Variants in CDC42BPA observed in about 807,000 individuals in gnomAD.
CDC42BPA encodes the protein CDC42 binding protein kinase alpha, also known as serine/threonine-protein kinase MRCK alpha.
A neutral mutation model predicts 223.5 loss-of-function variants in CDC42BPA; 80 were observed. That is an observed-to-expected ratio of 0.36 (90% confidence interval 0.30 to 0.43). The LOEUF is 0.43. CDC42BPA is among the 20% of genes least tolerant of loss of function. The pLI, the probability that CDC42BPA is intolerant of heterozygous loss-of-function variation, is 1.00. For missense variants in CDC42BPA, 1,743 were observed against 2,099.9 expected, an observed-to-expected ratio of 0.83 and a Z score of 3.32; for synonymous variants, 694 against 718.6, an observed-to-expected ratio of 0.97 and a Z score of 0.55.
intron 2 of CDC42BPA, among the ~76,000 whole-genome samples, chr1:227,231,231 C>A (rs562273802): frequency 1.5e-5 from 2 of 137,044 alleles, no homozygotes; most frequent in African/African-American, 5.4e-5. Context: ...TGAGAATATG[C>A]GGTGTTGTTT....
chr1:227,047,800 ATTTAT>A (rs1447256390), intron 23 of CDC42BPA, 122 bp downstream of exon 23: 3 of 585,878 alleles, frequency 5.1e-6, no homozygotes, highest in Admixed American at 3.1e-5. Flanking sequence ...TTCACACATA[ATTTAT>A]TTTATAAGTT....
At chr1:227,197,928 T>C (rs1244897077) in intron 4 of CDC42BPA, among the ~76,000 whole-genome samples, 1 of 152,146 alleles carries the variant, frequency 6.6e-6, no homozygotes, top group Admixed American at 6.6e-5. Flanking sequence ...TTAAGTATAA[T>C]AAATCCAGTT....
chr1:227,199,586 G>T lies in CDC42BPA; in HGVS notation c.421C>A (p.His141Asn). 6.3e-7 allele frequency: 1 copy of T among 1,598,838 alleles called. No homozygotes were observed. The highest frequency in any genetic ancestry group is 8.6e-7 in the Non-Finnish European group (1 of 1,167,868). The change falls in exon 4 of 37, where the codon CAC becomes AAC. Residue 141 changes from histidine to asparagine, a missense_variant. His to Asn is a moderately conservative substitution (Grantham distance 68). Around this residue, in one of 6 missense-constraint regions of CDC42BPA, gnomAD observed 321 missense variants for 488.7 expected, o/e 0.66. Transcript: ENST00000366766. ...TTATTGTCATCCTGGAAAGCATAGTGCAAGGTTGTAATCCATTTATTGTCT... is the reference window on the plus strand; with the variant it reads ...TTATTGTCATCCTGGAAAGCATAGTTCAAGGTTGTAATCCATTTATTGTCT... The part of the protein sequence containing the change: ...NGDNKWITTL[H>N]YAFQDDNNLY...
At chr1:227,216,081 A>T (rs996443916) in intron 2 of CDC42BPA, among the ~76,000 whole-genome samples, 1 of 152,162 alleles carries the variant, frequency 6.6e-6, no homozygotes, top group Non-Finnish European at 1.5e-5. Flanking sequence ...TTAAACAAAT[A>T]AGTTTATTAA....
At chr1:227,010,050 A>C (rs1664867433) in intron 34 of CDC42BPA, among the ~76,000 whole-genome samples, 1 of 152,190 alleles carries the variant, frequency 6.6e-6, no homozygotes, top group Non-Finnish European at 1.5e-5. Context: ...TATTACCTGC[A>C]AAACTAACTT....
chr1:227,284,959 T>G (rs1340227207), intron 1 of CDC42BPA, among the ~76,000 whole-genome samples: 1 of 123,404 alleles, frequency 8.1e-6, no homozygotes. Context: ...TGAGACCCCA[T>G]CTCACAAAAA....
chr1:227,001,123 T>C (rs1400349570), intron 35 of CDC42BPA, among the ~76,000 whole-genome samples: 1 of 152,222 alleles, frequency 6.6e-6, no homozygotes, highest in Non-Finnish European at 1.5e-5. Flanking sequence ...AATCTGACTT[T>C]GCATCATGAA....
chr1:227,080,917 G>A lies in CDC42BPA; in HGVS notation c.2456C>T (p.Ala819Val). Residue 819 changes from alanine to valine, a missense_variant, in exon 17 of 37, where the codon GCC becomes GTC. This residue lies in a region of CDC42BPA where 464 missense variants were observed against 488.0 expected (regional missense o/e 0.95). Coordinates refer to ENST00000366766, the MANE Select transcript of CDC42BPA (RefSeq NM_001394014.1). ...DKKESVAHWE[A>V]QITEIIQWVS... ...CCACTGAATTATTTCTGTGATTTGG[G>A]CTTCCCAATGTGCAACTGATTCTTT... 2 of 1,613,686 alleles carry A rather than the reference G, an allele frequency of 1.2e-6. No individual in the cohort carries two copies. Among genetic ancestry groups the A allele is most frequent in the Non-Finnish European group, 1.7e-6 (2 of 1,179,856 alleles).
At chr1:227,201,755 G>A (rs966381954) in intron 3 of CDC42BPA, among the ~76,000 whole-genome samples, 3 of 142,734 alleles carry the variant, frequency 2.1e-5, no homozygotes, top group African/African-American at 7.9e-5. Context: ...ATACAAATGA[G>A]ATTATAGTGC....
chr1:227,177,331 C>A (rs1404558839), intron 5 of CDC42BPA, among the ~76,000 whole-genome samples: 2 of 152,082 alleles, frequency 1.3e-5, no homozygotes, highest in Admixed American at 6.5e-5. Flanking sequence ...ATGTCTCCCC[C>A]TCACCCCCAC....
intron 6 of CDC42BPA, among the ~76,000 whole-genome samples, chr1:227,153,167 C>CA (rs934907825): frequency 2.0e-5 from 3 of 150,586 alleles, no homozygotes; most frequent in Non-Finnish European, 3.0e-5. Context: ...GTTAAGAACA[C>CA]AAAAAAACTG....
At chr1:227,030,331 G>T in intron 29 of CDC42BPA, 77 bp downstream of exon 29, 1 of 855,282 alleles carries the variant, frequency 1.2e-6, no homozygotes, top group Non-Finnish European at 1.9e-6. Context: ...CCTGCTCTTT[G>T]TAGAATTTAG....
intron 21 of CDC42BPA, among the ~76,000 whole-genome samples, chr1:227,066,298 G>A (rs555604389): frequency 1.3e-5 from 2 of 152,112 alleles, no homozygotes. Context: ...GCTGAGGCAG[G>A]AGAATCGCTT....
At chr1:227,225,599 T>G (rs1304022351) in intron 2 of CDC42BPA, among the ~76,000 whole-genome samples, 1 of 152,170 alleles carries the variant, frequency 6.6e-6, no homozygotes, top group Non-Finnish European at 1.5e-5. Flanking sequence ...ATCTCCCCAT[T>G]AGAACAATAA....
intron 1 of CDC42BPA, among the ~76,000 whole-genome samples, chr1:227,302,694 T>C (rs1475732308): frequency 6.6e-6 from 1 of 151,632 alleles, no homozygotes. Flanking sequence ...GTATTGATGA[T>C]TTTTTTCCCC....
intron 6 of CDC42BPA, among the ~76,000 whole-genome samples, chr1:227,148,865 T>C (rs1364523906): frequency 1.3e-5 from 2 of 151,090 alleles, no homozygotes; most frequent in Admixed American, 6.6e-5. Context: ...AGAGAGATTC[T>C]TAGAGGTCAG....
intron 32 of CDC42BPA, among the ~76,000 whole-genome samples, chr1:227,020,220 T>C (rs903863556): frequency 2.6e-5 from 4 of 152,190 alleles, no homozygotes; most frequent in African/African-American, 9.7e-5. Context: ...CTTAAGGGCC[T>C]AGGATTTTTT....
intron 17 of CDC42BPA, among the ~76,000 whole-genome samples, chr1:227,075,722 T>C (rs1355816695): frequency 6.6e-6 from 1 of 152,114 alleles, no homozygotes; most frequent in Admixed American, 6.5e-5. Context: ...AGGAAGATTA[T>C]CTTTTTTAGA....
chr1:227,040,168 CAAG>C lies in CDC42BPA; in HGVS notation c.3159_3161del (p.Leu1054del). 6.2e-7 allele frequency: 1 copy of C among 1,613,018 alleles called. No individual in the cohort carries two copies. The highest frequency in any genetic ancestry group is 8.5e-7 in the Non-Finnish European group (1 of 1,179,138). ...AGCCCTGTCTTATTAAACCCACCAT[CAAG>C]GAGGTACACTGATGACACTTGGTAG... On this transcript the variant is annotated inframe_deletion, in exon 24 of 37. Transcript: ENST00000366766.
Sources: gnomAD v4.1 joint callset for allele counts (sites outside exome capture counted in the v4.1 genomes callset) on GRCh38, gnomAD v4.1.1 for gene constraint, gnomAD v4.1.1 regional missense constraint, MANE v1.5 for transcripts, NCBI Gene and HGNC (gene_info 2026-07-23, HGNC 2026-07-21) for gene names.